PRKN: variants seen among roughly 807,000 people sequenced by gnomAD.
PRKN encodes the protein E3 ubiquitin-protein ligase parkin.
A neutral mutation model predicts 59.5 loss-of-function variants in PRKN; 56 were observed. The ratio of observed to expected loss-of-function variants is 0.94; its 90% CI spans 0.76 to 1.18. PRKN has a LOEUF of 1.18. Among genes scored for constraint, PRKN ranks in the 50% most tolerant of loss-of-function variants. PRKN has a pLI of 0.00. For synonymous variants in PRKN, 250 were observed against 222.1 expected (o/e 1.13, Z -1.12); for missense variants, 657 against 596.4 (o/e 1.10, Z -1.06).
intron 6 of PRKN, among the ~76,000 whole-genome samples, chr6:161,964,116 G>A (rs944037888): frequency 3.3e-5 from 5 of 152,070 alleles, no homozygotes; most frequent in African/African-American, 7.3e-5. Flanking sequence ...CAGGTTGGAG[G>A]GTAAGGTGTA....
At chr6:161,915,156 T>C (rs572140242) in intron 6 of PRKN, among the ~76,000 whole-genome samples, 32 of 152,036 alleles carry the variant, frequency 2.1e-4, no homozygotes, top group South Asian at 1.2e-3. Context: ...CGTGGTGGTG[T>C]ATGCCTGTAG....
At chr6:162,516,256 C>A (rs1777850292) in intron 1 of PRKN, among the ~76,000 whole-genome samples, 1 of 152,198 alleles carries the variant, frequency 6.6e-6, no homozygotes, top group East Asian at 1.9e-4. Flanking sequence ...ACTTATCCCA[C>A]TACCCTTGAA....
At chr6:162,139,713 A>G (rs900417973) in intron 4 of PRKN, among the ~76,000 whole-genome samples, 4 of 152,212 alleles carry the variant, frequency 2.6e-5, no homozygotes, top group African/African-American at 9.7e-5. Flanking sequence ...TCAGCCTCAG[A>G]GGACATGAGT....
intron 1 of PRKN, among the ~76,000 whole-genome samples, chr6:162,493,488 G>C (rs1286750276): frequency 3.9e-5 from 6 of 152,100 alleles, no homozygotes; most frequent in Non-Finnish European, 8.8e-5. Flanking sequence ...TGACTATAAG[G>C]TACTCAGAGA....
chr6:162,633,596 T>A (rs2803115), intron 1 of PRKN, among the ~76,000 whole-genome samples: 93,135 of 151,908 alleles, frequency 0.61, 29,283 homozygotes, highest in African/African-American at 0.75. Flanking sequence ...ATCATGTGAA[T>A]TCACACAAAC....
chr6:161,600,898 T>C (rs899173334), intron 7 of PRKN, among the ~76,000 whole-genome samples: 1 of 152,174 alleles, frequency 6.6e-6, no homozygotes, highest in Non-Finnish European at 1.5e-5. Flanking sequence ...AAACCACTAT[T>C]ACCCAACTCC....
At chr6:161,739,194 G>A (rs540332759) in intron 7 of PRKN, among the ~76,000 whole-genome samples, 1 of 152,190 alleles carries the variant, frequency 6.6e-6, no homozygotes, top group South Asian at 2.1e-4. Flanking sequence ...GATCACTTGA[G>A]GTCAGGAGTT....
intron 5 of PRKN, among the ~76,000 whole-genome samples, chr6:162,047,366 G>T (rs1784291791): frequency 6.6e-6 from 1 of 152,206 alleles, no homozygotes. Flanking sequence ...GGAGATGCTT[G>T]TGCTGATAGT....
intron 6 of PRKN, among the ~76,000 whole-genome samples, chr6:161,936,194 A>G (rs1779349614): frequency 6.6e-6 from 1 of 151,860 alleles, no homozygotes; most frequent in South Asian, 2.1e-4. Flanking sequence ...GATGAAGAAC[A>G]AAGGTCATGG....
intron 4 of PRKN, among the ~76,000 whole-genome samples, chr6:162,173,872 G>A (rs917650850): frequency 3.3e-5 from 5 of 152,192 alleles, no homozygotes; most frequent in African/African-American, 9.6e-5. Flanking sequence ...CTTGGCTGGA[G>A]CAAATGTTCA....
At chr6:162,356,746 GT>G (rs1313087101) in intron 2 of PRKN, among the ~76,000 whole-genome samples, 1 of 50,112 alleles carries the variant, frequency 2.0e-5, no homozygotes, top group African/African-American at 1.1e-4. Flanking sequence ...GTGATTATTA[GT>G]AAAAAAAAAA....
At chr6:162,711,912 A>G (rs1778553699) in intron 1 of PRKN, among the ~76,000 whole-genome samples, 1 of 152,222 alleles carries the variant, frequency 6.6e-6, no homozygotes, top group African/African-American at 2.4e-5. Context: ...ATTAAGACCT[A>G]CTGGTCTCCC....
At position 161,843,249 on chromosome 6, in the gene PRKN, T is replaced by C. The variant is rs55638809; in HGVS notation, c.735-57341A>G. On this transcript the variant is annotated intron_variant, in intron 6 of 11. Transcript: ENST00000366898. ...GACTCTCCTTCTGAATAACAGCCCC[T>C]CATGAGTCTCCCAGATACCTGACCT... 0.012 allele frequency among the ~76,000 whole-genome samples: 1,887 copies of C among 152,228 alleles called. 55 individuals carry two copies. The East Asian group carries it at 0.12, about 10-fold the overall frequency.
At chr6:162,582,938 T>C (rs1780845501) in intron 1 of PRKN, among the ~76,000 whole-genome samples, 1 of 152,180 alleles carries the variant, frequency 6.6e-6, no homozygotes, top group South Asian at 2.1e-4. Context: ...TCAAAACTCA[T>C]CTTGAAATTT....
chr6:162,384,805 T>A (rs1786711015), intron 2 of PRKN, among the ~76,000 whole-genome samples: 1 of 152,156 alleles, frequency 6.6e-6, no homozygotes, highest in African/African-American at 2.4e-5. Context: ...CTTTTTCCTA[T>A]TTCACAGGTC....
chr6:162,090,865 T>C (rs1435791184), intron 4 of PRKN, among the ~76,000 whole-genome samples: 2 of 152,178 alleles, frequency 1.3e-5, no homozygotes, highest in South Asian at 2.1e-4. Flanking sequence ...TGATGATTCA[T>C]AGTGAACATG....
chr6:162,396,930 C>T (rs996471012), intron 2 of PRKN, among the ~76,000 whole-genome samples: 1 of 152,164 alleles, frequency 6.6e-6, no homozygotes, highest in Non-Finnish European at 1.5e-5. Context: ...GGCATGAACA[C>T]ACACACACAA....
intron 4 of PRKN, among the ~76,000 whole-genome samples, chr6:162,114,193 T>C (rs1369674065): frequency 6.6e-6 from 1 of 152,200 alleles, no homozygotes; most frequent in Non-Finnish European, 1.5e-5. Flanking sequence ...GACTTGGCGA[T>C]GCGGGCTCTT....
chr6:161,738,318 G>A (rs1283109363), intron 7 of PRKN, among the ~76,000 whole-genome samples: 2 of 152,058 alleles, frequency 1.3e-5, no homozygotes, highest in African/African-American at 2.4e-5. Flanking sequence ...TCTAGCATCG[G>A]ATGTCAGGAA....
Sources: allele counts gnomAD v4.1 joint callset (sites outside exome capture counted in the v4.1 genomes callset), GRCh38; gene constraint gnomAD v4.1.1; transcripts MANE v1.5; gene names NCBI Gene and HGNC (gene_info 2026-07-23, HGNC 2026-07-21).